Variants in SLC2A13 observed in about 807,000 individuals in gnomAD.
SLC2A13 encodes the protein proton myo-inositol cotransporter.
In SLC2A13, 32 loss-of-function variants were observed where a neutral mutation model predicts 64.4. The observed-to-expected ratio is 0.50, with a 90% CI of 0.37 to 0.67. The LOEUF is 0.67. Among genes scored for constraint, SLC2A13 ranks in the 30% least tolerant of loss-of-function variants. SLC2A13 has a pLI of 0.00. For missense variants in SLC2A13, 743 were observed against 829.2 expected, an observed-to-expected ratio of 0.90 and a Z score of 1.28; for synonymous variants, 338 against 327.1, an observed-to-expected ratio of 1.03 and a Z score of -0.36.
At chr12:39,821,912 ATAT>A (rs1189703720) in intron 7 of SLC2A13, among the ~76,000 whole-genome samples, 8 of 152,098 alleles carry the variant, frequency 5.3e-5, no homozygotes, top group South Asian at 4.1e-4. Flanking sequence ...AATGAAAAGA[ATAT>A]TATTAATTTT....
intron 2 of SLC2A13, among the ~76,000 whole-genome samples, chr12:40,033,676 C>A (rs763230207): frequency 5.3e-5 from 8 of 152,168 alleles, no homozygotes; most frequent in Admixed American, 3.9e-4. Context: ...GACCACTGTG[C>A]CAAACTAAAG....
At chr12:40,074,199 T>C (rs1938077564) in intron 1 of SLC2A13, among the ~76,000 whole-genome samples, 1 of 148,692 alleles carries the variant, frequency 6.7e-6, no homozygotes. Context: ...GGAGTCTTGC[T>C]CTGTCACCCA....
chr12:39,838,154 C>T (rs9668172), intron 6 of SLC2A13, among the ~76,000 whole-genome samples: 100,431 of 144,074 alleles, frequency 0.7, 35,903 homozygotes, highest in African/African-American at 0.84. Flanking sequence ...TGGAATACTA[C>T]GCAGCCATAA....
chr12:40,014,391 C>T (rs74088130), intron 3 of SLC2A13, among the ~76,000 whole-genome samples: 2,613 of 152,150 alleles, frequency 0.017, 93 homozygotes, highest in African/African-American at 0.059. Context: ...CACTGAGACC[C>T]CAAATTGAGA....
intron 9 of SLC2A13, among the ~76,000 whole-genome samples, chr12:39,761,179 A>G (rs1373701421): frequency 6.6e-6 from 1 of 151,938 alleles, no homozygotes; most frequent in Admixed American, 6.6e-5. Context: ...AACTGAGTTT[A>G]AGTGTTGGCC....
intron 3 of SLC2A13, among the ~76,000 whole-genome samples, chr12:40,024,993 G>A (rs1947780993): frequency 6.6e-6 from 1 of 152,184 alleles, no homozygotes; most frequent in Non-Finnish European, 1.5e-5. Context: ...TGTTGTTTCT[G>A]CTAGTCTTAC....
At chr12:39,887,006 T>C (rs573653676) in intron 4 of SLC2A13, among the ~76,000 whole-genome samples, 5 of 152,304 alleles carry the variant, frequency 3.3e-5, no homozygotes, top group East Asian at 3.9e-4. Context: ...TTTTAGGGTA[T>C]AATTAACTCA....
chr12:40,016,714 G>A (rs938295722), intron 3 of SLC2A13, among the ~76,000 whole-genome samples: 12 of 151,966 alleles, frequency 7.9e-5, no homozygotes, highest in African/African-American at 2.9e-4. Context: ...AATTAGTAAG[G>A]GGTATTTCCT....
At chr12:39,868,586 C>T (rs973236344) in intron 5 of SLC2A13, among the ~76,000 whole-genome samples, 13 of 152,100 alleles carry the variant, frequency 8.5e-5, no homozygotes, top group African/African-American at 2.9e-4. Context: ...TCCTTGGCAA[C>T]TGTGATGAAG....
At chr12:39,983,057 G>A (rs1475251387) in intron 3 of SLC2A13, among the ~76,000 whole-genome samples, 6 of 150,344 alleles carry the variant, frequency 4.0e-5, no homozygotes, top group African/African-American at 1.5e-4. Flanking sequence ...TGACAAACCT[G>A]AGAAAAACAA....
rs992092940 is a variant in SLC2A13 at position 39,755,853 on chromosome 12, G to A, written c.*4173C>T. 6.6e-6 allele frequency: 1 copy of A among 151,790 alleles called. No individual in the cohort carries two copies. Among genetic ancestry groups the A allele is most frequent in the Non-Finnish European group, 1.5e-5 (1 of 67,804 alleles). The allele number at this position is 151,790 out of a possible 1,614,324, so 9.4% of individuals were successfully genotyped here. A position where few individuals can be genotyped will look rare whatever the true frequency, so the allele number is the denominator to read the frequency against. The stretch of plus-strand genomic sequence containing the variant: ...GTTTTAGCTCACTAGCAAATTATAC[G>A]GATAAAATACTTTCATGAACTTCTG... On this transcript the variant is annotated 3_prime_UTR_variant, in exon 10 of 10. Transcript: ENST00000280871.
At chr12:40,026,817 C>G (rs981681030) in intron 3 of SLC2A13, among the ~76,000 whole-genome samples, 1 of 152,158 alleles carries the variant, frequency 6.6e-6, no homozygotes, top group African/African-American at 2.4e-5. Context: ...CGGTGGCTCA[C>G]GCCTGTAATC....
chr12:39,825,260 G>A (rs1037182918), intron 7 of SLC2A13, among the ~76,000 whole-genome samples: 9 of 152,106 alleles, frequency 5.9e-5, no homozygotes, highest in Admixed American at 1.3e-4. Context: ...TTAAGGTTTT[G>A]TATATATGGA....
rs1314928509 is a variant in SLC2A13, at chr12:39,759,874, T to A, written c.*152A>T. On this transcript the variant is annotated 3_prime_UTR_variant, in exon 10 of 10. Coordinates refer to ENST00000280871, the MANE Select transcript of SLC2A13 (RefSeq NM_052885.4). Reference sequence around the variant, plus strand: ...TGGAAAAAAAAAGTCATCATGGTTGTATCTTCCTCCTAATCAAGTATTCTA... The same window carrying A: ...TGGAAAAAAAAAGTCATCATGGTTGAATCTTCCTCCTAATCAAGTATTCTA... 1 of 599,834 alleles carries A rather than the reference T, an allele frequency of 1.7e-6. No homozygotes were observed. Among genetic ancestry groups the A allele is most frequent in the Admixed American group, 3.1e-5 (1 of 31,764 alleles). The allele number at this position is 599,834 out of a possible 1,614,324, so 37.2% of individuals were successfully genotyped here. A position where few individuals can be genotyped will look rare whatever the true frequency, so the allele number is the denominator to read the frequency against.
At chr12:39,797,744 A>ACGTG (rs1461347227) in intron 7 of SLC2A13, among the ~76,000 whole-genome samples, 2 of 150,228 alleles carry the variant, frequency 1.3e-5, no homozygotes, top group East Asian at 3.9e-4. Context: ...ACACACACAC[A>ACGTG]CACACACACA....
intron 4 of SLC2A13, among the ~76,000 whole-genome samples, chr12:39,894,198 CT>C (rs1381252019): frequency 6.6e-6 from 1 of 152,118 alleles, no homozygotes; most frequent in Non-Finnish European, 1.5e-5. Flanking sequence ...ACTCTGCAAA[CT>C]TTCAAGTGTC....
chr12:40,092,782 C>T (rs1176394100), intron 1 of SLC2A13, among the ~76,000 whole-genome samples: 1 of 152,170 alleles, frequency 6.6e-6, no homozygotes, highest in Non-Finnish European at 1.5e-5. Context: ...AGTCATCAGA[C>T]AGAAGATGTG....
intron 3 of SLC2A13, among the ~76,000 whole-genome samples, chr12:40,014,683 G>A (rs28365680): frequency 1.3e-5 from 2 of 152,102 alleles, no homozygotes; most frequent in East Asian, 1.9e-4. Context: ...TAGTCAAGAC[G>A]GGGTTTCTTT....
At chr12:40,049,448 A>T (rs1263177405) in intron 1 of SLC2A13, among the ~76,000 whole-genome samples, 2 of 152,164 alleles carry the variant, frequency 1.3e-5, no homozygotes, top group African/African-American at 4.8e-5. Context: ...TGAAGGTGCT[A>T]TTTATTACAT....
Sources: gnomAD v4.1 joint callset for allele counts (sites outside exome capture counted in the v4.1 genomes callset) on GRCh38, gnomAD v4.1.1 for gene constraint, MANE v1.5 for transcripts, NCBI Gene and HGNC (gene_info 2026-07-23, HGNC 2026-07-21) for gene names.